Variants in GNA13 observed in about 807,000 individuals in gnomAD.
GNA13 encodes guanine nucleotide-binding protein subunit alpha-13.
A neutral mutation model predicts 33.5 loss-of-function variants in GNA13; 4 were observed. That is an observed-to-expected ratio of 0.12 (90% confidence interval 0.06 to 0.27). The LOEUF (loss-of-function observed/expected upper bound fraction) is 0.27. Ranked by LOEUF, GNA13 falls within the 10% of genes least tolerant of loss-of-function variation. The pLI is 1.00. For synonymous variants in GNA13, 176 were observed against 183.8 expected (o/e 0.96, Z 0.34); for missense variants, 319 against 487.2 (o/e 0.65, Z 3.25).
intron 2 of GNA13, among the ~76,000 whole-genome samples, chr17:65,038,533 T>C (rs1237472762): frequency 7.2e-5 from 11 of 152,130 alleles, no homozygotes; most frequent in Non-Finnish European, 1.6e-4. Context: ...CCACCTCAGC[T>C]CTGAGTAGCT....
rs1906136906 is a variant in GNA13, at chr17:65,010,174, C to T, written c.*4083G>A. ...TACAAGAGTGAACATAACTTAAATGCTAACTACACGTTCAAGTACAGACAT... is the reference window on the plus strand; with the variant it reads ...TACAAGAGTGAACATAACTTAAATGTTAACTACACGTTCAAGTACAGACAT... On this transcript the variant is annotated 3_prime_UTR_variant, in exon 4 of 4. Transcript: ENST00000439174. 1.3e-5 allele frequency among the ~76,000 whole-genome samples: 2 copies of T among 152,144 alleles called. No homozygotes were observed. The highest frequency in any genetic ancestry group is 4.1e-4 in the South Asian group (2 of 4,820).
rs1051650755 is a variant in GNA13 at position 65,010,808 on chromosome 17, T to G, written c.*3449A>C. The G allele has an allele frequency of 2.8e-5, 6 of 211,380 alleles. No individual in the cohort carries two copies. The highest frequency in any genetic ancestry group is 4.8e-5 in the Non-Finnish European group (5 of 104,050). The allele number at this position is 211,380 out of a possible 1,614,324, so 13.1% of individuals were successfully genotyped here. On this transcript the variant is annotated 3_prime_UTR_variant, in exon 4 of 4. Coordinates refer to ENST00000439174, the MANE Select transcript of GNA13 (RefSeq NM_006572.6). ...TTCAAACAAGAAATTAACACTGATA[T>G]TTAGCCTTCTCATGACATACACAGA...
intron 2 of GNA13, among the ~76,000 whole-genome samples, chr17:65,042,357 CA>C (rs369887415): frequency 0.075 from 4,645 of 62,228 alleles, 233 homozygotes; most frequent in African/African-American, 0.21. Context: ...AACTCCGTCT[CA>C]AAAAAAAAAA....
intron 3 of GNA13, among the ~76,000 whole-genome samples, chr17:65,016,582 G>A (rs1037216890): frequency 1.1e-4 from 17 of 152,106 alleles, no homozygotes; most frequent in Admixed American, 7.2e-4. Context: ...GGCTGGTCTC[G>A]AACTCCTGAC....
chr17:65,031,438 T>C (rs748892209), intron 2 of GNA13, among the ~76,000 whole-genome samples: 2 of 152,220 alleles, frequency 1.3e-5, no homozygotes, highest in Non-Finnish European at 2.9e-5. Context: ...ATGGTTTAAA[T>C]GGTTTACACA....
Position 65,012,919 on chromosome 17 carries a change from C to T in GNA13, c.*1338G>A, listed in dbSNP as rs763088236. ...TAGTATTTCAGTACTGCAAACCAGC[C>T]ATTCTGATGAGTTCACTATGAATGT... is the stretch of plus-strand genomic sequence containing the variant. On this transcript the variant is annotated 3_prime_UTR_variant, in exon 4 of 4. Coordinates refer to ENST00000439174, the MANE Select transcript of GNA13 (RefSeq NM_006572.6). 6.3e-5 allele frequency: 14 copies of T among 221,868 alleles called. No homozygotes were observed. The highest frequency in any genetic ancestry group is 1.1e-4 in the Non-Finnish European group (12 of 110,992). 13.7% of individuals were successfully genotyped at this position (221,868 alleles called of 1,614,324 possible). A position where few individuals can be genotyped will look rare whatever the true frequency, so the allele number is the denominator to read the frequency against.
rs545974627 is a variant in GNA13 at position 65,032,051 on chromosome 17, T to C, written c.511-13748A>G. ...GGAAACATCTTGATAAAGTCATATATAAATAAGGAGCTGTTCATTGTAACA... is the reference window on the plus strand; with the variant it reads ...GGAAACATCTTGATAAAGTCATATACAAATAAGGAGCTGTTCATTGTAACA... On this transcript the variant is annotated intron_variant, in intron 2 of 3. Coordinates refer to ENST00000439174, the MANE Select transcript of GNA13 (RefSeq NM_006572.6). Among the ~76,000 whole-genome samples the C allele has an allele frequency of 6.2e-4, 95 of 152,184 alleles. 1 individual carries two copies. The highest frequency in any genetic ancestry group is 3.4e-3 in the Middle Eastern group (1 of 292).
chr17:65,034,323 C>G (rs1466129920), intron 2 of GNA13, among the ~76,000 whole-genome samples: 1 of 151,424 alleles, frequency 6.6e-6, no homozygotes, highest in Non-Finnish European at 1.5e-5. Context: ...ATAAATTCCT[C>G]TTTATATCAA....
intron 3 of GNA13, among the ~76,000 whole-genome samples, chr17:65,017,585 G>A (rs923606176): frequency 2.6e-5 from 4 of 152,208 alleles, no homozygotes; most frequent in Non-Finnish European, 5.9e-5. Context: ...TGCCTGCAGT[G>A]GGCCCCGCTG....
intron 2 of GNA13, among the ~76,000 whole-genome samples, chr17:65,041,755 C>T (rs1314351177): frequency 6.6e-6 from 1 of 152,110 alleles, no homozygotes; most frequent in Non-Finnish European, 1.5e-5. Context: ...GCACCTGAGC[C>T]AGAGGTTATC....
intron 2 of GNA13, among the ~76,000 whole-genome samples, chr17:65,045,355 A>G (rs187462436): frequency 0.014 from 2,089 of 152,164 alleles, 24 homozygotes; most frequent in Middle Eastern, 0.041. Flanking sequence ...CCCCATCTCT[A>G]CTAAAAATAC....
intron 2 of GNA13, among the ~76,000 whole-genome samples, chr17:65,030,886 C>A (rs116633731): frequency 3.1e-3 from 479 of 152,204 alleles, no homozygotes; most frequent in African/African-American, 0.011. Context: ...GTGTTGAGAT[C>A]TCTTTAGTTA....
chr17:65,022,882 C>T (rs8069854), intron 2 of GNA13, among the ~76,000 whole-genome samples: 146,324 of 152,340 alleles, frequency 0.96, 70,549 homozygotes, highest in East Asian at 1. Context: ...GTGAGAGCAG[C>T]TGCTCAGAGT....
In GNA13 at chr17:65,056,242, C is replaced by A; in HGVS notation, c.283+69G>T. 2.1e-6 allele frequency: 2 copies of A among 934,692 alleles called. 1 individual carries two copies. Among genetic ancestry groups the A allele is most frequent in the East Asian group, 6.4e-5 (2 of 31,488 alleles). The allele number at this position is 934,692 out of a possible 1,614,324, so 57.9% of individuals were successfully genotyped here. ...CGACACAGCGGACCAGGGCGGTGCC[C>A]CGCCCCGCACCCGCCGCCGCCCCAG... On this transcript the variant is annotated intron_variant, in intron 1 of 3. Coordinates refer to ENST00000439174, the MANE Select transcript of GNA13 (RefSeq NM_006572.6).
At chr17:65,051,218 TC>T (rs1269280680) in intron 2 of GNA13, among the ~76,000 whole-genome samples, 1 of 152,242 alleles carries the variant, frequency 6.6e-6, no homozygotes, top group Non-Finnish European at 1.5e-5. Flanking sequence ...ATGTTTCTTC[TC>T]TGACCTGGAA....
rs974830379 is a variant in GNA13 at position 65,014,189 on chromosome 17, T to A, written c.*68A>T. On this transcript the variant is annotated 3_prime_UTR_variant, in exon 4 of 4. Coordinates refer to ENST00000439174, the MANE Select transcript of GNA13 (RefSeq NM_006572.6). The surrounding 1 kb of genome is among the most constrained non-coding windows in gnomAD (Gnocchi z 5.3). ...TAATTCTGGTTGTAAACTGCTATTT[T>A]AAAAAACAAAACAAACAGAAAACAT... 1.7e-5 allele frequency: 16 copies of A among 962,264 alleles called. No homozygotes were observed. Among genetic ancestry groups the A allele is most frequent in the East Asian group, 9.7e-5 (4 of 41,410 alleles). 59.6% of individuals were successfully genotyped at this position (962,264 alleles called of 1,614,324 possible).
chr17:65,015,139 TAGC>T, intron 3 of GNA13, among the ~76,000 whole-genome samples: 1 of 152,286 alleles, frequency 6.6e-6, no homozygotes, highest in East Asian at 1.9e-4. Context: ...ATTAAAATGT[TAGC>T]AGGACGGGTT....
chr17:65,024,779 G>A (rs1031490148), intron 2 of GNA13, among the ~76,000 whole-genome samples: 1 of 152,162 alleles, frequency 6.6e-6, no homozygotes, highest in East Asian at 1.9e-4. Context: ...ACTAGATTTC[G>A]TATTAATTTC....
At chr17:65,016,431 G>A (rs1015877608) in intron 3 of GNA13, among the ~76,000 whole-genome samples, 7 of 152,002 alleles carry the variant, frequency 4.6e-5, no homozygotes, top group Non-Finnish European at 1.0e-4. Flanking sequence ...GCGGAATCTC[G>A]GCTCACTGCA....
Sources: allele counts gnomAD v4.1 joint callset (sites outside exome capture counted in the v4.1 genomes callset), GRCh38; gene constraint gnomAD v4.1.1; non-coding constraint Gnocchi (gnomAD v3.1); transcripts MANE v1.5; gene names NCBI Gene and HGNC (gene_info 2026-07-23, HGNC 2026-07-21).